PREP: variants seen among roughly 807,000 people sequenced by gnomAD.
PREP encodes prolyl endopeptidase.
A neutral mutation model predicts 87.6 loss-of-function variants in PREP; 29 were observed. That is an observed-to-expected ratio of 0.33 (90% CI 0.25 to 0.45). The LOEUF is 0.45. PREP is among the 20% of genes least tolerant of loss of function. PREP has a pLI of 1.00. For missense variants in PREP, 695 were observed against 886.5 expected, an observed-to-expected ratio of 0.78 and a Z score of 2.74; for synonymous variants, 337 against 328.6, an observed-to-expected ratio of 1.03 and a Z score of -0.28.
chr6:105,361,846 G>A (rs1416540689), intron 6 of PREP, among the ~76,000 whole-genome samples: 1 of 152,062 alleles, frequency 6.6e-6, no homozygotes, highest in East Asian at 1.9e-4. Context: ...TTATGGATTT[G>A]TAATAAAAAT....
At chr6:105,346,577 G>A (rs1023893344) in intron 7 of PREP, among the ~76,000 whole-genome samples, 7 of 152,174 alleles carry the variant, frequency 4.6e-5, no homozygotes, top group African/African-American at 1.7e-4. Flanking sequence ...GCAAATCCCA[G>A]GTAAGCTGAT....
At chr6:105,284,893 G>A (rs537672977) in intron 12 of PREP, among the ~76,000 whole-genome samples, 6 of 152,336 alleles carry the variant, frequency 3.9e-5, no homozygotes, top group African/African-American at 1.4e-4. Context: ...GCCACAGAAT[G>A]GAGACGGAAT....
intron 2 of PREP, among the ~76,000 whole-genome samples, chr6:105,377,962 C>G (rs1772731287): frequency 1.3e-5 from 2 of 152,322 alleles, no homozygotes; most frequent in Middle Eastern, 3.4e-3. Flanking sequence ...TCAGATCACA[C>G]ACTGCCAATA....
chr6:105,340,913 A>C (rs1444964826), intron 7 of PREP, among the ~76,000 whole-genome samples: 1 of 152,220 alleles, frequency 6.6e-6, no homozygotes, highest in Non-Finnish European at 1.5e-5. Context: ...ACCTACGAAG[A>C]GACTTAGACT....
At position 105,333,445 on chromosome 6, in the gene PREP, T is replaced by C. The variant is rs139598379; in HGVS notation, c.884A>G (p.Asn295Ser). ...NFEGEYDYVT[N>S]EGTVFTFKTN... Reference sequence around the variant, plus strand: ...CTTGAATGTGAACACCGTCCCCTCATTGGTCACGTAGTCATATTCCCCTTC... The same window carrying C: ...CTTGAATGTGAACACCGTCCCCTCACTGGTCACGTAGTCATATTCCCCTTC... Residue 295 changes from asparagine (N) to serine (S), a missense_variant, in exon 8 of 15, where the codon AAT becomes AGT. By Grantham distance (46) the Asn-to-Ser change is conservative (BLOSUM62 1). Around this residue, in one of 5 missense-constraint regions of PREP, gnomAD observed 517 missense variants for 620.3 expected, o/e 0.83. Transcript: ENST00000652536. 104 of 1,614,102 alleles carry C rather than the reference T, an allele frequency of 6.4e-5. 1 individual carries two copies. The highest frequency in any genetic ancestry group is 8.3e-5 in the Admixed American group (5 of 60,012).
At chr6:105,342,693 T>C (rs909873822) in intron 7 of PREP, among the ~76,000 whole-genome samples, 2 of 152,198 alleles carry the variant, frequency 1.3e-5, no homozygotes, top group East Asian at 1.9e-4. Flanking sequence ...AATCTCAGGA[T>C]ACAAAGTCAG....
chr6:105,347,770 T>G (rs897984338), intron 7 of PREP, among the ~76,000 whole-genome samples: 4 of 152,126 alleles, frequency 2.6e-5, no homozygotes, highest in African/African-American at 9.7e-5. Context: ...CCCAGCACTT[T>G]GGGAGGCTGA....
intron 8 of PREP, 71 bp downstream of exon 8, chr6:105,333,241 TGA>T: frequency 7.2e-7 from 1 of 1,395,512 alleles, no homozygotes; most frequent in Non-Finnish European, 1.0e-6. Context: ...CACTAGAGAA[TGA>T]GAGACGCACT....
At chr6:105,371,476 G>A (rs1295307019) in intron 5 of PREP, among the ~76,000 whole-genome samples, 1 of 136,452 alleles carries the variant, frequency 7.3e-6, no homozygotes, top group East Asian at 2.0e-4. Flanking sequence ...ACTCCAGCCT[G>A]GGTGACACAG....
At chr6:105,343,420 A>G (rs1199029549) in intron 7 of PREP, among the ~76,000 whole-genome samples, 1 of 152,236 alleles carries the variant, frequency 6.6e-6, no homozygotes. Context: ...AAACCATAAA[A>G]ACCCTAGAAG....
chr6:105,354,824 C>T (rs1026884491), intron 6 of PREP, among the ~76,000 whole-genome samples: 5 of 152,120 alleles, frequency 3.3e-5, no homozygotes, highest in Non-Finnish European at 5.9e-5. Context: ...ATACACACAT[C>T]CTATTAGCTC....
At chr6:105,359,361 C>T (rs890066052) in intron 6 of PREP, among the ~76,000 whole-genome samples, 26 of 152,034 alleles carry the variant, frequency 1.7e-4, no homozygotes, top group African/African-American at 4.1e-4. Context: ...GTGAGCTGGA[C>T]GGAAAAATGA....
At chr6:105,396,433 A>G (rs1307075561) in intron 2 of PREP, among the ~76,000 whole-genome samples, 1 of 151,904 alleles carries the variant, frequency 6.6e-6, no homozygotes, top group African/African-American at 2.4e-5. Context: ...CATGTGGTTT[A>G]CTCCCCTGCC....
intron 12 of PREP, among the ~76,000 whole-genome samples, chr6:105,283,860 A>C (rs745338706): frequency 2.0e-5 from 3 of 152,198 alleles, no homozygotes; most frequent in African/African-American, 4.8e-5. Context: ...AAAATGAGAG[A>C]GCAGACTAGG....
At chr6:105,349,898 T>TTAA (rs1491577494) in intron 7 of PREP, among the ~76,000 whole-genome samples, 1 of 59,456 alleles carries the variant, frequency 1.7e-5, no homozygotes, top group East Asian at 4.6e-4. Context: ...GGGAAGCAGG[T>TTAA]AAAAAAAAAA....
rs1210661836 is a variant in PREP at position 105,377,380 on chromosome 6, T to TC, written c.254+5dup. ...TAAAAAGGAAATTCAGTAAAAGCAG[T>TC]CTCACCGTTTTCCTTTCTTGAAGTG... On this transcript the variant is annotated splice_donor_region_variant and intron_variant, in intron 3 of 14. Coordinates refer to ENST00000652536, the MANE Select transcript of PREP (RefSeq NM_002726.5). 1.3e-6 allele frequency: 2 copies of TC among 1,595,152 alleles called. No individual in the cohort carries two copies. Among genetic ancestry groups the TC allele is most frequent in the African/African-American group, 2.7e-5 (2 of 73,754 alleles).
intron 9 of PREP, among the ~76,000 whole-genome samples, chr6:105,325,251 C>G (rs1771123871): frequency 6.6e-6 from 1 of 152,038 alleles, no homozygotes; most frequent in Non-Finnish European, 1.5e-5. Context: ...ACGTGCAGAC[C>G]AAGCATGCAC....
intron 2 of PREP, among the ~76,000 whole-genome samples, chr6:105,389,682 G>C (rs904199012): frequency 1.3e-5 from 2 of 152,146 alleles, no homozygotes; most frequent in Non-Finnish European, 2.9e-5. Context: ...TGAAAACGTA[G>C]TGGCCAGATG....
intron 2 of PREP, among the ~76,000 whole-genome samples, chr6:105,381,663 T>C (rs1434806996): frequency 6.6e-6 from 1 of 152,214 alleles, no homozygotes; most frequent in East Asian, 1.9e-4. Flanking sequence ...TAGATGAATC[T>C]GAACACATTT....
Sources: allele counts gnomAD v4.1 joint callset (sites outside exome capture counted in the v4.1 genomes callset), GRCh38; gene constraint gnomAD v4.1.1; regional missense constraint gnomAD v4.1.1; transcripts MANE v1.5; gene names NCBI Gene and HGNC (gene_info 2026-07-23, HGNC 2026-07-21).